The following KLF8 variants were observed in gnomAD, a reference collection of about 807,000 sequenced individuals.
KLF8 encodes the protein KLF transcription factor 8.
In KLF8, 10 loss-of-function variants were observed where a neutral mutation model predicts 18.2. That is an observed-to-expected ratio of 0.55 (90% CI 0.34 to 0.93). The LOEUF is 0.93. KLF8 is among the 40% of genes least tolerant of loss of function. The pLI is 0.02. For synonymous variants in KLF8, 109 were observed against 97.3 expected (o/e 1.12, Z -0.71); for missense variants, 264 against 277.9 (o/e 0.95, Z 0.36).
chrX:56,138,116 C>G, the KLF8 span, among the ~76,000 whole-genome samples: 1 of 106,259 alleles, frequency 9.4e-6, no homozygotes, highest in African/African-American at 3.4e-5. Context: ...TGGATGACCT[C>G]CTAAGATTGA....
chrX:56,185,485 C>G, the KLF8 span, among the ~76,000 whole-genome samples: 1 of 111,516 alleles, frequency 9.0e-6, no homozygotes, highest in African/African-American at 3.3e-5. Context: ...CCCAATCTAG[C>G]AAGGCAGGCC....
the KLF8 span, among the ~76,000 whole-genome samples, chrX:56,167,771 A>G: frequency 1.7e-4 from 19 of 112,610 alleles, no homozygotes; most frequent in Admixed American, 6.6e-4. Flanking sequence ...TTCTCACAGT[A>G]AAATATCCCA....
intron 1 of KLF8, among the ~76,000 whole-genome samples, chrX:56,236,879 T>A (rs1373368878): frequency 2.8e-5 from 3 of 106,488 alleles, no homozygotes; most frequent in Non-Finnish European, 5.8e-5. Flanking sequence ...TGTGTGTGTG[T>A]GAATAACATT....
chrX:56,044,152 C>A, the KLF8 span, among the ~76,000 whole-genome samples: 1 of 111,644 alleles, frequency 9.0e-6, no homozygotes, highest in South Asian at 3.8e-4. Flanking sequence ...GACTGTGAAA[C>A]AACAAAGATG....
At chrX:56,092,698 T>A in the KLF8 span, among the ~76,000 whole-genome samples, 1 of 110,979 alleles carries the variant, frequency 9.0e-6, no homozygotes, top group East Asian at 2.8e-4. Flanking sequence ...TATTTTGAAG[T>A]CAGACAATGT....
chrX:55,947,057 A>G, the KLF8 span, among the ~76,000 whole-genome samples: 17 of 111,654 alleles, frequency 1.5e-4, no homozygotes, highest in Non-Finnish European at 1.9e-4. Flanking sequence ...AACTAGTTCA[A>G]CTATTGTGGA....
At chrX:56,202,560 C>CA in the KLF8 span, among the ~76,000 whole-genome samples, 1 of 21,572 alleles carries the variant, frequency 4.6e-5, no homozygotes. Context: ...CATTAACCTT[C>CA]CCCCCCCCTC....
At chrX:56,229,117 A>G (rs1234486375), upstream of KLF8, among the ~76,000 whole-genome samples, 4 of 109,816 alleles carry the variant, frequency 3.6e-5, no homozygotes, top group African/African-American at 1.3e-4. Context: ...GAGTCCTCTT[A>G]CTGAGGCTTT....
chrX:55,994,601 G>T, the KLF8 span, among the ~76,000 whole-genome samples: 2 of 110,939 alleles, frequency 1.8e-5, no homozygotes, highest in African/African-American at 6.6e-5. Flanking sequence ...CTGTGTCCCA[G>T]AGATTCTCAT....
chrX:55,975,914 AGCC>A, the KLF8 span, among the ~76,000 whole-genome samples: 2 of 111,606 alleles, frequency 1.8e-5, no homozygotes, highest in Non-Finnish European at 3.8e-5. Context: ...GTTTGAGACC[AGCC>A]TGACCAACGT....
At chrX:56,161,247 G>A in the KLF8 span, among the ~76,000 whole-genome samples, 1 of 111,554 alleles carries the variant, frequency 9.0e-6, no homozygotes. Context: ...CAGCATTTCT[G>A]CCGAGAGATC....
At chrX:56,084,912 A>G in the KLF8 span, among the ~76,000 whole-genome samples, 2 of 112,338 alleles carry the variant, frequency 1.8e-5, no homozygotes, top group African/African-American at 6.5e-5. Context: ...TCTATCTCAT[A>G]TGATTGGCCA....
the KLF8 span, among the ~76,000 whole-genome samples, chrX:56,025,593 C>G: frequency 8.9e-6 from 1 of 111,981 alleles, no homozygotes; most frequent in East Asian, 2.8e-4. Context: ...TTATTCCTTG[C>G]TGATTACTAT....
the KLF8 span, among the ~76,000 whole-genome samples, chrX:56,214,115 C>T: frequency 9.0e-6 from 1 of 110,743 alleles, no homozygotes. Flanking sequence ...TGCTTCTTCT[C>T]TTCTCCCCTT....
the KLF8 span, among the ~76,000 whole-genome samples, chrX:56,026,101 G>A: frequency 1.8e-5 from 2 of 112,158 alleles, no homozygotes; most frequent in Admixed American, 1.9e-4. Flanking sequence ...GATTGTCCAG[G>A]CTTGGTTTGG....
At chrX:56,175,241 T>C in the KLF8 span, among the ~76,000 whole-genome samples, 1 of 112,130 alleles carries the variant, frequency 8.9e-6, no homozygotes, top group African/African-American at 3.2e-5. Flanking sequence ...TTTAGTGCTA[T>C]AAATTTCCCT....
chrX:56,017,250 A>G, the KLF8 span, among the ~76,000 whole-genome samples: 93 of 112,370 alleles, frequency 8.3e-4, 1 homozygote, highest in African/African-American at 2.6e-3. Context: ...TAGGCATGCC[A>G]TTGCTGTAGC....
the KLF8 span, among the ~76,000 whole-genome samples, chrX:56,081,001 A>T: frequency 1.8e-5 from 2 of 110,583 alleles, no homozygotes; most frequent in South Asian, 3.9e-4. Flanking sequence ...CAGCTCCATC[A>T]GCTCCTTTAA....
the KLF8 span, among the ~76,000 whole-genome samples, chrX:56,020,057 T>A: frequency 1.8e-5 from 2 of 112,125 alleles, no homozygotes; most frequent in African/African-American, 3.2e-5. Context: ...TGTCGTGGCA[T>A]CTGACCAGTC....
Sources: allele counts gnomAD v4.1 joint callset (sites outside exome capture counted in the v4.1 genomes callset), GRCh38; gene constraint gnomAD v4.1.1; transcripts MANE v1.5; gene names NCBI Gene and HGNC (gene_info 2026-07-23, HGNC 2026-07-21).